The following P2RY8 variants were observed in gnomAD, a reference collection of about 807,000 sequenced individuals.
The protein encoded by P2RY8 is S-geranylgeranyl-glutathione receptor P2RY8.
P2RY8 carries 6 observed loss-of-function variants against 10.0 expected under a neutral mutation model. That is an observed-to-expected ratio of 0.60 (90% confidence interval 0.33 to 1.19). The LOEUF (loss-of-function observed/expected upper bound fraction) is 1.19, where lower values mean the gene tolerates loss of function less well. Among genes scored for constraint, P2RY8 ranks in the 50% most tolerant of loss-of-function variants. The pLI, the probability that P2RY8 is intolerant of heterozygous loss-of-function variation, is 0.04. For missense variants in P2RY8, 456 were observed against 542.0 expected, an observed-to-expected ratio of 0.84 and a Z score of 1.58; for synonymous variants, 276 against 252.5, an observed-to-expected ratio of 1.09 and a Z score of -0.88.
chrX:1,489,065 C>T (rs2149389536), intron 1 of P2RY8, among the ~76,000 whole-genome samples: 1 of 150,140 alleles, frequency 6.7e-6, no homozygotes, highest in East Asian at 2.0e-4. Context: ...GATTCATTCC[C>T]ACAAATGTGC....
intron 1 of P2RY8, among the ~76,000 whole-genome samples, chrX:1,467,631 G>C (rs182458427): frequency 3.3e-5 from 5 of 152,314 alleles, no homozygotes; most frequent in African/African-American, 9.6e-5. Context: ...TTTTGAGAAT[G>C]TAAAGTGGAC....
At chrX:1,520,567 G>A (rs1231752955) in intron 1 of P2RY8, among the ~76,000 whole-genome samples, 18 of 148,652 alleles carry the variant, frequency 1.2e-4, no homozygotes, top group African/African-American at 4.3e-4. Flanking sequence ...TATTATCTCC[G>A]ATCCTCAATT....
chrX:1,475,403 C>T (rs1248527623), intron 1 of P2RY8, among the ~76,000 whole-genome samples: 1 of 152,026 alleles, frequency 6.6e-6, no homozygotes, highest in Non-Finnish European at 1.5e-5. Context: ...AAGCTTGGAA[C>T]AGATTTTCCC....
At position 1,464,030 on chromosome X, in the gene P2RY8, G is replaced by C. The variant is rs1291547377; in HGVS notation, c.*1449C>G. 4.3e-6 allele frequency: 1 copy of C among 233,214 alleles called. No individual in the cohort carries two copies. The highest frequency in any genetic ancestry group is 8.5e-6 in the Non-Finnish European group (1 of 118,080). The allele number at this position is 233,214 out of a possible 1,614,324, so 14.4% of individuals were successfully genotyped here. Reference sequence around the variant, plus strand: ...TTTCCTGCCATAGTGATGACGGCAGGAGAGAGGCACCAATAGAGGGCCTCC... The same window carrying C: ...TTTCCTGCCATAGTGATGACGGCAGCAGAGAGGCACCAATAGAGGGCCTCC... On this transcript the variant is annotated 3_prime_UTR_variant, in exon 2 of 2. Transcript: ENST00000381297.
chrX:1,474,852 G>A (rs1448139345), intron 1 of P2RY8, among the ~76,000 whole-genome samples: 1 of 146,740 alleles, frequency 6.8e-6, no homozygotes, highest in African/African-American at 2.5e-5. Flanking sequence ...ATGGGTGGCT[G>A]GATAGATGAA....
intron 1 of P2RY8, among the ~76,000 whole-genome samples, chrX:1,507,561 C>T (rs1465067143): frequency 3.3e-5 from 5 of 152,140 alleles, no homozygotes; most frequent in African/African-American, 9.7e-5. Flanking sequence ...GCAGTACTGG[C>T]GACATACCTG....
intron 1 of P2RY8, among the ~76,000 whole-genome samples, chrX:1,534,893 A>G (rs781123655): frequency 6.6e-6 from 1 of 152,154 alleles, no homozygotes; most frequent in South Asian, 2.1e-4. Flanking sequence ...TGGTTCTCCA[A>G]GGGGACCTCA....
At chrX:1,468,907 TTCC>T (rs1263662806) in intron 1 of P2RY8, among the ~76,000 whole-genome samples, 13 of 498 alleles carry the variant, frequency 0.026, 1 homozygote, top group African/African-American at 0.12. Flanking sequence ...TTCCCTCTCC[TTCC>T]CTCTCCCCTC....
chrX:1,504,572 C>T (rs2092212470), intron 1 of P2RY8, among the ~76,000 whole-genome samples: 1 of 152,210 alleles, frequency 6.6e-6, no homozygotes, highest in African/African-American at 2.4e-5. Context: ...ACTGATCAGG[C>T]TGGGTGCAGT....
At chrX:1,530,096 TG>T (rs1196593376) in intron 1 of P2RY8, among the ~76,000 whole-genome samples, 2 of 135,804 alleles carry the variant, frequency 1.5e-5, no homozygotes, top group African/African-American at 5.5e-5. Context: ...CATCCATCTA[TG>T]TATCCATGTA....
intron 1 of P2RY8, among the ~76,000 whole-genome samples, chrX:1,517,223 C>T (rs1451169817): frequency 1.3e-5 from 2 of 151,902 alleles, no homozygotes; most frequent in African/African-American, 4.8e-5. Flanking sequence ...TAAGACATCT[C>T]ATAAGAGGAG....
Position 1,465,264 on chromosome X carries a change from G to T in P2RY8, c.*215C>A. ...CCCTGTGCGCTGCTGGGCTTTGCTT[G>T]TTTCTCTACCCTGAGTGAAGCCTGG... On this transcript the variant is annotated 3_prime_UTR_variant, in exon 2 of 2. Transcript: ENST00000381297. 1.4e-6 allele frequency: 1 copy of T among 740,320 alleles called. No homozygotes were observed. The highest frequency in any genetic ancestry group is 2.1e-6 in the Non-Finnish European group (1 of 474,596). The allele number at this position is 740,320 out of a possible 1,614,324, so 45.9% of individuals were successfully genotyped here. A position where few individuals can be genotyped will look rare whatever the true frequency, so the allele number is the denominator to read the frequency against.
chrX:1,467,449 C>T (rs1433179011), intron 1 of P2RY8, among the ~76,000 whole-genome samples: 2 of 152,170 alleles, frequency 1.3e-5, no homozygotes, highest in Non-Finnish European at 1.5e-5. Flanking sequence ...GAGTCAGCAC[C>T]GCTCCCCACG....
rs1213515864 is a variant in P2RY8 at position 1,522,380 on chromosome X, C to G, written c.-25+14541G>C. On this transcript the variant is annotated intron_variant, in intron 1 of 1. Coordinates refer to ENST00000381297, the MANE Select transcript of P2RY8 (RefSeq NM_178129.5). ...TGCAGCCAATACCTCGATGTAGTTTCAGAATATTTTCCTCACCTCCCACAC... is the reference window on the plus strand; with the variant it reads ...TGCAGCCAATACCTCGATGTAGTTTGAGAATATTTTCCTCACCTCCCACAC... Among the ~76,000 whole-genome samples, 3 of 152,096 alleles carry G rather than the reference C, an allele frequency of 2.0e-5. No homozygotes were observed. The South Asian group carries it at 6.2e-4, about 31-fold the overall frequency.
intron 1 of P2RY8, among the ~76,000 whole-genome samples, chrX:1,486,310 C>T (rs1156949744): frequency 2.6e-5 from 4 of 152,140 alleles, no homozygotes; most frequent in Admixed American, 2.6e-4. Flanking sequence ...GGAAACAGCC[C>T]AAGTGTCCGT....
At chrX:1,471,308 CATTT>C (rs1325015688) in intron 1 of P2RY8, among the ~76,000 whole-genome samples, 2 of 71,108 alleles carry the variant, frequency 2.8e-5, no homozygotes, top group African/African-American at 5.2e-5. Context: ...GCGCCCAGCC[CATTT>C]TTTTTTTTTT....
chrX:1,495,013 C>T (rs1482200816), intron 1 of P2RY8, among the ~76,000 whole-genome samples: 4 of 152,056 alleles, frequency 2.6e-5, no homozygotes, highest in African/African-American at 9.7e-5. Context: ...CCACTGCGCC[C>T]GGCTGCGTAT....
chrX:1,509,835 A>C (rs867767305), intron 1 of P2RY8, among the ~76,000 whole-genome samples: 1 of 143,116 alleles, frequency 7.0e-6, no homozygotes, highest in South Asian at 2.2e-4. Flanking sequence ...CTATCTATCT[A>C]TCTCTATTAT....
At chrX:1,472,739 G>T (rs1296835656) in intron 1 of P2RY8, among the ~76,000 whole-genome samples, 6 of 143,916 alleles carry the variant, frequency 4.2e-5, no homozygotes, top group African/African-American at 1.6e-4. Context: ...GGGTGGATGT[G>T]TGGATGGATA....
Sources: gnomAD v4.1 joint callset for allele counts (sites outside exome capture counted in the v4.1 genomes callset) on GRCh38, gnomAD v4.1.1 for gene constraint, MANE v1.5 for transcripts, NCBI Gene and HGNC (gene_info 2026-07-23, HGNC 2026-07-21) for gene names.